The following SLC24A3 variants were observed in gnomAD, a reference collection of about 807,000 sequenced individuals.
The protein encoded by SLC24A3 is solute carrier family 24 member 3, also known as sodium/potassium/calcium exchanger 3.
Under a neutral mutation model 75.8 loss-of-function variants are expected in SLC24A3, and 28 were observed. That is an observed-to-expected ratio of 0.37 (90% CI 0.27 to 0.51). The LOEUF is 0.51. SLC24A3 is among the 20% of genes least tolerant of loss of function. The pLI, the probability that SLC24A3 is intolerant of heterozygous loss-of-function variation, is 0.94. For missense variants in SLC24A3, 663 were observed against 847.8 expected (o/e 0.78, Z 2.71); for synonymous variants, 372 against 334.1 (o/e 1.11, Z -1.24).
At chr20:19,532,066 G>A (rs1478923144) in intron 3 of SLC24A3, among the ~76,000 whole-genome samples, 1 of 152,216 alleles carries the variant, frequency 6.6e-6, no homozygotes, top group African/African-American at 2.4e-5. Flanking sequence ...GTGGTGGGGA[G>A]GGCAGCCCTC....
At chr20:19,378,938 A>G (rs1005593293) in intron 2 of SLC24A3, among the ~76,000 whole-genome samples, 12 of 151,522 alleles carry the variant, frequency 7.9e-5, no homozygotes, top group Admixed American at 7.2e-4. Flanking sequence ...AGTGGGGGTA[A>G]TTATAGACCC....
intron 2 of SLC24A3, among the ~76,000 whole-genome samples, chr20:19,282,151 T>C (rs1480233264): frequency 3.9e-5 from 6 of 152,140 alleles, no homozygotes. Context: ...AGAAGACATG[T>C]CAGAGAATTG....
intron 1 of SLC24A3, among the ~76,000 whole-genome samples, chr20:19,228,651 A>C (rs535413169): frequency 2.0e-5 from 3 of 152,250 alleles, no homozygotes; most frequent in Non-Finnish European, 4.4e-5. Context: ...TCTCAAAAAA[A>C]AAAAAATTAG....
intron 1 of SLC24A3, among the ~76,000 whole-genome samples, chr20:19,228,734 A>G (rs1981937554): frequency 6.6e-6 from 1 of 152,104 alleles, no homozygotes; most frequent in African/African-American, 2.4e-5. Context: ...TATATATAGA[A>G]AAAAATATCC....
At position 19,237,868 on chromosome 20, in the gene SLC24A3, T is replaced by A. The variant is rs570017009; in HGVS notation, c.142+24884T>A. Among the ~76,000 whole-genome samples, 18 of 152,276 alleles carry A rather than the reference T, an allele frequency of 1.2e-4. No individual in the cohort carries two copies. The East Asian group carries it at 3.5e-3, about 29-fold the overall frequency. ...TTCTGATTTAAGCCTGGGCCTGAGT[T>A]TCACGTCTGTCGGTTTTACTTTCAG... On this transcript the variant is annotated intron_variant, in intron 1 of 16. Transcript: ENST00000328041.
In SLC24A3 at chr20:19,451,961, G is replaced by T. The variant is rs533162431; in HGVS notation, c.272-63527G>T. On this transcript the variant is annotated intron_variant, in intron 2 of 16. Coordinates refer to ENST00000328041, the MANE Select transcript of SLC24A3 (RefSeq NM_020689.4). ...AAGAGCCTCCCTCCCCATCCCGTTT[G>T]CTTTCCTTGACTTGCTTCAGTCTGT... Among the ~76,000 whole-genome samples the T allele has an allele frequency of 5.3e-5, 8 of 152,296 alleles. No individual in the cohort carries two copies. The South Asian group carries it at 1.0e-3, about 20-fold the overall frequency.
chr20:19,552,488 A>T (rs1311922253), intron 3 of SLC24A3, among the ~76,000 whole-genome samples: 16 of 152,332 alleles, frequency 1.1e-4, no homozygotes, highest in African/African-American at 3.8e-4. Context: ...AGAAGTTCAG[A>T]AAAGTAAATG....
chr20:19,229,232 A>AT (rs978435496), intron 1 of SLC24A3, among the ~76,000 whole-genome samples: 5 of 151,898 alleles, frequency 3.3e-5, no homozygotes, highest in African/African-American at 1.2e-4. Flanking sequence ...GTATATGTTT[A>AT]TTTTTTTCAT....
At chr20:19,461,030 C>T (rs998268558) in intron 2 of SLC24A3, among the ~76,000 whole-genome samples, 21 of 152,166 alleles carry the variant, frequency 1.4e-4, no homozygotes, top group African/African-American at 4.3e-4. Context: ...GGATTGGGGG[C>T]ATCTTCCCAT....
chr20:19,291,032 G>A (rs1201891873), intron 2 of SLC24A3, among the ~76,000 whole-genome samples: 1 of 152,210 alleles, frequency 6.6e-6, no homozygotes, highest in Non-Finnish European at 1.5e-5. Flanking sequence ...GAATGTTCCT[G>A]CCTTGTCCTA....
chr20:19,304,608 C>T (rs761388705), intron 2 of SLC24A3, among the ~76,000 whole-genome samples: 3 of 152,120 alleles, frequency 2.0e-5, no homozygotes, highest in Non-Finnish European at 1.5e-5. Flanking sequence ...GTGCCTGTGG[C>T]GTCATTCATG....
intron 2 of SLC24A3, among the ~76,000 whole-genome samples, chr20:19,494,589 G>A (rs1988254919): frequency 6.6e-6 from 1 of 152,132 alleles, no homozygotes; most frequent in African/African-American, 2.4e-5. Context: ...GAGTTTGGGG[G>A]TGCACATTGT....
chr20:19,561,859 G>C (rs1398807154), intron 3 of SLC24A3, among the ~76,000 whole-genome samples: 1 of 152,118 alleles, frequency 6.6e-6, no homozygotes, highest in Non-Finnish European at 1.5e-5. Context: ...ATGGACCCAG[G>C]CTGTCTGATT....
At chr20:19,543,952 C>T (rs551214474) in intron 3 of SLC24A3, among the ~76,000 whole-genome samples, 14 of 152,280 alleles carry the variant, frequency 9.2e-5, no homozygotes, top group Non-Finnish European at 1.5e-4. Context: ...CACATTTATT[C>T]CTGTGATTTT....
In SLC24A3 at chr20:19,542,114, C is replaced by T. The variant is rs144018555; in HGVS notation, c.348+26550C>T. On this transcript the variant is annotated intron_variant, in intron 3 of 16. Coordinates refer to ENST00000328041, the MANE Select transcript of SLC24A3 (RefSeq NM_020689.4). ...GAAAGGGGAGAGATAGCAGGTGGAG[C>T]AGTGTTCAGAGGCAATGCCCAGAGG... 3.3e-5 allele frequency among the ~76,000 whole-genome samples: 5 copies of T among 152,268 alleles called. No homozygotes were observed. The East Asian group carries it at 9.6e-4, about 29-fold the overall frequency.
intron 2 of SLC24A3, among the ~76,000 whole-genome samples, chr20:19,429,932 A>G (rs2122450539): frequency 6.6e-6 from 1 of 152,252 alleles, no homozygotes; most frequent in Non-Finnish European, 1.5e-5. Context: ...GCCTGTCTGC[A>G]CAGCTGAGAA....
chr20:19,529,356 C>A (rs1390809945), intron 3 of SLC24A3, among the ~76,000 whole-genome samples: 1 of 152,128 alleles, frequency 6.6e-6, no homozygotes, highest in African/African-American at 2.4e-5. Flanking sequence ...TTAGCTTTGC[C>A]ATGTCAATAC....
intron 2 of SLC24A3, among the ~76,000 whole-genome samples, chr20:19,438,529 G>T (rs1367407725): frequency 6.6e-6 from 1 of 151,968 alleles, no homozygotes; most frequent in Non-Finnish European, 1.5e-5. Context: ...CATACAGTAG[G>T]TAGTGTAGAC....
Position 19,530,683 on chromosome 20 carries a change from C to T in SLC24A3, c.348+15119C>T, listed in dbSNP as rs999735881. On this transcript the variant is annotated intron_variant, in intron 3 of 16. Coordinates refer to ENST00000328041, the MANE Select transcript of SLC24A3 (RefSeq NM_020689.4). Reference sequence around the variant, plus strand: ...CCTGGGTGACCTGAAGCATCCATCCCTAGACAGCAGGGACATTGTCAGATT... The same window carrying T: ...CCTGGGTGACCTGAAGCATCCATCCTTAGACAGCAGGGACATTGTCAGATT... Among the ~76,000 whole-genome samples, 3 of 152,152 alleles carry T rather than the reference C, an allele frequency of 2.0e-5. No individual in the cohort carries two copies. The East Asian group carries it at 5.8e-4, about 29-fold the overall frequency.
Sources: gnomAD v4.1 joint callset for allele counts (sites outside exome capture counted in the v4.1 genomes callset) on GRCh38, gnomAD v4.1.1 for gene constraint, MANE v1.5 for transcripts, NCBI Gene and HGNC (gene_info 2026-07-23, HGNC 2026-07-21) for gene names.